TF: variants seen among roughly 807,000 people sequenced by gnomAD.
TF encodes the protein transferrin.
In TF, 55 loss-of-function variants were observed where a neutral mutation model predicts 82.4. The observed-to-expected ratio is 0.67, with a 90% confidence interval of 0.54 to 0.84. The LOEUF is 0.84. Among genes scored for constraint, TF ranks in the 40% least tolerant of loss-of-function variants. The probability of loss-of-function intolerance (pLI) is 0.00; values close to 1 mark genes in which losing one functional copy is unlikely to be tolerated. For missense variants in TF, 737 were observed against 868.4 expected (o/e 0.85, Z 1.90); for synonymous variants, 332 against 332.6 (o/e 1.00, Z 0.02).
the TF span, among the ~76,000 whole-genome samples, chr3:133,667,432 CAA>C: frequency 7.7e-4 from 116 of 149,908 alleles, 1 homozygote; most frequent in African/African-American, 2.7e-3. Flanking sequence ...GTCCTAAAAA[CAA>C]GAGATAAACC....
chr3:133,772,513 G>T (rs1014330964), intron 14 of TF, among the ~76,000 whole-genome samples: 1 of 151,892 alleles, frequency 6.6e-6, no homozygotes, highest in African/African-American at 2.4e-5. Flanking sequence ...ATTTTTTTAC[G>T]TGTGTATATG....
chr3:133,778,719 C>T lies in TF; in HGVS notation c.*99C>T, dbSNP rs1380969558. ...TGGCCCAAGTGGTTTGTGCTAACCACGTCTGTCTTCACAGCTCTGTGTTGC... is the reference window on the plus strand; with the variant it reads ...TGGCCCAAGTGGTTTGTGCTAACCATGTCTGTCTTCACAGCTCTGTGTTGC... On this transcript the variant is annotated 3_prime_UTR_variant, in exon 17 of 17. Transcript: ENST00000402696. The T allele has an allele frequency of 8.8e-6, 11 of 1,254,926 alleles. No homozygotes were observed. Among genetic ancestry groups the T allele is most frequent in the East Asian group, 4.9e-5 (2 of 41,074 alleles). The allele number at this position is 1,254,926 out of a possible 1,614,324, so 77.7% of individuals were successfully genotyped here.
At chr3:133,696,864 CA>C in the TF span, among the ~76,000 whole-genome samples, 1 of 150,848 alleles carries the variant, frequency 6.6e-6, no homozygotes, top group African/African-American at 2.4e-5. Flanking sequence ...CACAAACAAA[CA>C]AAATATTTCA....
the TF span, among the ~76,000 whole-genome samples, chr3:133,680,067 G>A: frequency 1.3e-5 from 2 of 152,004 alleles, no homozygotes; most frequent in African/African-American, 4.8e-5. Flanking sequence ...ATGATGTGAG[G>A]ATCTTTCATG....
rs1210225366 is a variant in TF, at chr3:133,766,180, T to G, written c.1331-98T>G. The G allele has an allele frequency of 7.0e-6, 8 of 1,146,480 alleles. No homozygotes were observed. The African/African-American group carries it at 1.1e-4, about 15-fold the overall frequency. 71.0% of individuals were successfully genotyped at this position (1,146,480 alleles called of 1,614,324 possible). On this transcript the variant is annotated intron_variant, in intron 11 of 16. Coordinates refer to ENST00000402696, the MANE Select transcript of TF (RefSeq NM_001063.4). ...ATCCTCTCAAGACACAATGACTGAT[T>G]GAGGATATCTTTGCTTCCCTAGGGA...
chr3:133,736,771 A>T, the TF span, among the ~76,000 whole-genome samples: 3 of 152,160 alleles, frequency 2.0e-5, no homozygotes, highest in Admixed American at 6.5e-5. Context: ...AGAGCTAATT[A>T]TCCTAAATAT....
At chr3:133,688,375 T>A in the TF span, 3 of 152,302 alleles carry the variant, frequency 2.0e-5, no homozygotes, top group East Asian at 3.8e-4. Flanking sequence ...GTTAAGTCAC[T>A]GCTGCCTAAA....
At chr3:133,772,112 C>T (rs1934275470) in intron 14 of TF, among the ~76,000 whole-genome samples, 1 of 152,214 alleles carries the variant, frequency 6.6e-6, no homozygotes, top group South Asian at 2.1e-4. Context: ...CTCTGTAATA[C>T]ACTTTGGCTA....
At chr3:133,694,780 A>C in the TF span, among the ~76,000 whole-genome samples, 1 of 152,336 alleles carries the variant, frequency 6.6e-6, no homozygotes, top group Middle Eastern at 3.4e-3. Context: ...CATGCTCCAT[A>C]AGAGAAATAG....
chr3:133,745,536 T>G (rs557429188), upstream of TF, among the ~76,000 whole-genome samples: 8 of 152,278 alleles, frequency 5.3e-5, no homozygotes, highest in South Asian at 4.2e-4. Flanking sequence ...TTTTTCATGA[T>G]AAGGATGTGT....
At chr3:133,733,811 C>T in the TF span, among the ~76,000 whole-genome samples, 1 of 152,030 alleles carries the variant, frequency 6.6e-6, no homozygotes, top group Non-Finnish European at 1.5e-5. Flanking sequence ...TGCTCCCTTT[C>T]TTCTTTCATT....
chr3:133,709,108 G>T, the TF span, among the ~76,000 whole-genome samples: 1 of 152,182 alleles, frequency 6.6e-6, no homozygotes, highest in Non-Finnish European at 1.5e-5. Context: ...TGCTGCTGCT[G>T]CATTTGCTGT....
At chr3:133,757,067 T>C in intron 7 of TF, 58 bp downstream of exon 7, 1 of 1,608,496 alleles carries the variant, frequency 6.2e-7, no homozygotes, top group Non-Finnish European at 8.5e-7. Flanking sequence ...GATTTGGGGG[T>C]TTTCCTCCTG....
At chr3:133,767,120 C>T (rs570982785) in intron 12 of TF, among the ~76,000 whole-genome samples, 6 of 152,068 alleles carry the variant, frequency 3.9e-5, no homozygotes, top group East Asian at 1.9e-4. Context: ...TGGGAGATCC[C>T]GGGTCTCTTC....
the TF span, among the ~76,000 whole-genome samples, chr3:133,663,351 ATTTTT>A: frequency 5.5e-5 from 7 of 128,018 alleles, no homozygotes; most frequent in South Asian, 4.9e-4. Context: ...AATATCATTA[ATTTTT>A]TTTTTTTTTT....
the TF span, among the ~76,000 whole-genome samples, chr3:133,683,186 A>G: frequency 6.6e-6 from 1 of 152,222 alleles, no homozygotes; most frequent in East Asian, 1.9e-4. Flanking sequence ...CCTGCCTTAC[A>G]AGAGCTCCTG....
At chr3:133,714,025 A>G in the TF span, among the ~76,000 whole-genome samples, 10,235 of 152,238 alleles carry the variant, frequency 0.067, 794 homozygotes, top group African/African-American at 0.19. Flanking sequence ...CCAGTTTTAG[A>G]AATTTCAGAA....
Position 133,794,863 on chromosome 3 carries a change from A to G in TF, c.*16243A>G, listed in dbSNP as rs1400966056. The G allele has an allele frequency of 6.6e-6, 1 of 152,198 alleles. No homozygotes were observed. The highest frequency in any genetic ancestry group is 1.5e-5 in the Non-Finnish European group (1 of 68,044). 9.4% of individuals were successfully genotyped at this position (152,198 alleles called of 1,614,324 possible). A position where few individuals can be genotyped will look rare whatever the true frequency, so the allele number is the denominator to read the frequency against. On this transcript the variant is annotated 3_prime_UTR_variant, in exon 17 of 17. Coordinates refer to ENST00000402696, the MANE Select transcript of TF (RefSeq NM_001063.4). ...TTTTTCCTTGCTTTTGCCTCTATGA[A>G]GAATAGAAGTGGAAAAAGGATCTGT...
the TF span, among the ~76,000 whole-genome samples, chr3:133,672,596 G>A: frequency 5.9e-5 from 9 of 152,028 alleles, no homozygotes; most frequent in South Asian, 2.1e-4. Flanking sequence ...GCGTGGTGGT[G>A]CACTGCTGTA....
Sources: gnomAD v4.1 joint callset for allele counts (sites outside exome capture counted in the v4.1 genomes callset) on GRCh38, gnomAD v4.1.1 for gene constraint, MANE v1.5 for transcripts, NCBI Gene and HGNC (gene_info 2026-07-23, HGNC 2026-07-21) for gene names.